PDZRN3: variants seen among roughly 807,000 people sequenced by gnomAD.
PDZRN3 encodes the protein PDZ domain containing ring finger 3, also known as E3 ubiquitin-protein ligase PDZRN3.
Under a neutral mutation model 85.7 loss-of-function variants are expected in PDZRN3, and 38 were observed. The observed-to-expected ratio is 0.44, with a 90% confidence interval of 0.34 to 0.58. PDZRN3 has a LOEUF of 0.58. Among genes scored for constraint, PDZRN3 ranks in the 20% least tolerant of loss-of-function variants. The pLI, the probability that PDZRN3 is intolerant of heterozygous loss-of-function variation, is 0.01. For synonymous variants in PDZRN3, 759 were observed against 638.0 expected, an observed-to-expected ratio of 1.19 and a Z score of -2.86; for missense variants, 1,629 against 1,506.4, an observed-to-expected ratio of 1.08 and a Z score of -1.35.
At chr3:73,428,160 G>GCT (rs753975809) in intron 3 of PDZRN3, among the ~76,000 whole-genome samples, 1 of 152,148 alleles carries the variant, frequency 6.6e-6, no homozygotes, top group African/African-American at 2.4e-5. Flanking sequence ...ATCTCACAGG[G>GCT]CTCTGTGAGC....
At chr3:73,519,510 T>C (rs1704314639) in intron 3 of PDZRN3, among the ~76,000 whole-genome samples, 1 of 152,238 alleles carries the variant, frequency 6.6e-6, no homozygotes, top group African/African-American at 2.4e-5. Context: ...AAGGAATGTG[T>C]TTATGGGCTT....
At chr3:73,528,426 TGTTAAA>T (rs773129371) in intron 3 of PDZRN3, among the ~76,000 whole-genome samples, 6 of 152,170 alleles carry the variant, frequency 3.9e-5, no homozygotes, top group Non-Finnish European at 2.9e-5. Flanking sequence ...AGGGGAGCAC[TGTTAAA>T]GTTAGAGTAA....
intron 8 of PDZRN3, 130 bp downstream of exon 8, chr3:73,387,838 T>TTTGA: frequency 1.7e-6 from 1 of 605,236 alleles, no homozygotes. Context: ...TCACAGCAAG[T>TTTGA]TTGATTACAT....
Position 73,383,949 on chromosome 3 carries a change from T to C in PDZRN3, c.2617A>G (p.Ile873Val), listed in dbSNP as rs1703330022. 1 of 1,603,054 alleles carries C rather than the reference T, an allele frequency of 6.2e-7. No individual in the cohort carries two copies. The highest frequency in any genetic ancestry group is 1.1e-5 in the South Asian group (1 of 89,372). The change falls in exon 10 of 10, where the codon ATC (isoleucine) becomes GTC (valine). Residue 873 changes from isoleucine (I) to valine (V), a missense_variant. By Grantham distance (29) the Ile-to-Val change is conservative. Coordinates refer to ENST00000263666, the MANE Select transcript of PDZRN3 (RefSeq NM_015009.3). The part of the protein sequence containing the change: ...YHHSPYKHAH[I>V]PAHAQHYQSY... ...TGGTAGTGCTGGGCGTGCGCCGGGA[T>C]GTGCGCGTGCTTGTATGGGGAGTGG...
At chr3:73,549,065 C>T (rs1269023209) in intron 3 of PDZRN3, among the ~76,000 whole-genome samples, 7 of 152,204 alleles carry the variant, frequency 4.6e-5, no homozygotes, top group Admixed American at 3.9e-4. Context: ...TATCTCTTCT[C>T]GCCTCTGAAC....
intron 3 of PDZRN3, among the ~76,000 whole-genome samples, chr3:73,406,441 T>C (rs1034448282): frequency 6.6e-6 from 1 of 152,202 alleles, no homozygotes; most frequent in Admixed American, 6.5e-5. Context: ...TTTCATTAAA[T>C]GTGTGACACC....
At chr3:73,525,438 T>A (rs1704498818) in intron 3 of PDZRN3, among the ~76,000 whole-genome samples, 1 of 152,148 alleles carries the variant, frequency 6.6e-6, no homozygotes, top group South Asian at 2.1e-4. Context: ...TTTCCCACAT[T>A]TGGGAGAAGG....
chr3:73,619,432 C>G (rs905776783), intron 1 of PDZRN3, among the ~76,000 whole-genome samples: 1 of 152,138 alleles, frequency 6.6e-6, no homozygotes, highest in Non-Finnish European at 1.5e-5. Flanking sequence ...CTGCGAGGTC[C>G]GAGAGGCCTG....
rs768320565 is a variant in PDZRN3 at position 73,443,479 on chromosome 3, C to CTTTTTT, written c.919-39090_919-39085dup. On this transcript the variant is annotated intron_variant, in intron 3 of 9. Coordinates refer to ENST00000263666, the MANE Select transcript of PDZRN3 (RefSeq NM_015009.3). ...ATTAACTTGATTTATTTTCCTTTTT[C>CTTTTTT]TTTTTTTTTTTTTTTTTTTGGGGGG... Among the ~76,000 whole-genome samples, 42 of 48,130 alleles carry CTTTTTT rather than the reference C, an allele frequency of 8.7e-4. 1 individual carries two copies. The highest frequency in any genetic ancestry group is 2.1e-3 in the African/African-American group (41 of 19,412). 31.6% of individuals were successfully genotyped at this position (48,130 alleles called of 152,430 possible). A position where few individuals can be genotyped will look rare whatever the true frequency, so the allele number is the denominator to read the frequency against.
chr3:73,553,340 G>A (rs1250410944), intron 3 of PDZRN3, among the ~76,000 whole-genome samples: 1 of 152,076 alleles, frequency 6.6e-6, no homozygotes, highest in African/African-American at 2.4e-5. Flanking sequence ...TTGGGAGGCC[G>A]AGGCGGGTGG....
chr3:73,404,026 A>T, intron 4 of PDZRN3, 122 bp downstream of exon 4: 2 of 910,302 alleles, frequency 2.2e-6, no homozygotes, highest in Non-Finnish European at 3.3e-6. Context: ...CAATAAAGTT[A>T]AACATGGGCA....
chr3:73,513,919 AGGTTT>A (rs1403063185), intron 3 of PDZRN3, among the ~76,000 whole-genome samples: 2 of 152,170 alleles, frequency 1.3e-5, no homozygotes, highest in Non-Finnish European at 2.9e-5. Context: ...TCTATATACA[AGGTTT>A]CTATGTCCTT....
chr3:73,496,678 GT>G (rs1332758296), intron 3 of PDZRN3, among the ~76,000 whole-genome samples: 1 of 151,294 alleles, frequency 6.6e-6, no homozygotes, highest in Non-Finnish European at 1.5e-5. Flanking sequence ...CACACAAAAA[GT>G]CCTTTTATAG....
chr3:73,597,443 G>A (rs1702446067), intron 3 of PDZRN3, among the ~76,000 whole-genome samples: 1 of 152,188 alleles, frequency 6.6e-6, no homozygotes, highest in African/African-American at 2.4e-5. Flanking sequence ...ATTTACAGAA[G>A]ATTGTACGAA....
intron 3 of PDZRN3, among the ~76,000 whole-genome samples, chr3:73,595,086 A>G (rs1009948655): frequency 6.6e-6 from 1 of 152,190 alleles, no homozygotes; most frequent in African/African-American, 2.4e-5. Context: ...CCATAATCCA[A>G]GGTGATGTCA....
At chr3:73,546,343 A>T (rs1319093604) in intron 3 of PDZRN3, among the ~76,000 whole-genome samples, 1 of 152,152 alleles carries the variant, frequency 6.6e-6, no homozygotes, top group East Asian at 1.9e-4. Context: ...AGACAATCTC[A>T]CCACCACATT....
chr3:73,476,518 G>A (rs893264076), intron 3 of PDZRN3, among the ~76,000 whole-genome samples: 4 of 152,164 alleles, frequency 2.6e-5, no homozygotes, highest in Non-Finnish European at 5.9e-5. Context: ...GGGACACAGA[G>A]CCAAACCATA....
At chr3:73,452,839 CTGTG>C (rs35308043) in intron 3 of PDZRN3, among the ~76,000 whole-genome samples, 278 of 140,686 alleles carry the variant, frequency 2.0e-3, no homozygotes, top group African/African-American at 5.6e-3. Context: ...GTCCATATAT[CTGTG>C]TGTGTGTGTG....
intron 3 of PDZRN3, among the ~76,000 whole-genome samples, chr3:73,519,245 C>T (rs1027702367): frequency 1.3e-5 from 2 of 151,432 alleles, no homozygotes; most frequent in Admixed American, 6.6e-5. Flanking sequence ...AAAATCTATA[C>T]ACGCCAGCGT....
Sources: allele counts gnomAD v4.1 joint callset (sites outside exome capture counted in the v4.1 genomes callset), GRCh38; gene constraint gnomAD v4.1.1; transcripts MANE v1.5; gene names NCBI Gene and HGNC (gene_info 2026-07-23, HGNC 2026-07-21).